The following ZNF512B variants were observed in gnomAD, a reference collection of about 807,000 sequenced individuals.
ZNF512B encodes zinc finger protein 512B.
A neutral mutation model predicts 87.8 loss-of-function variants in ZNF512B; 22 were observed. The observed-to-expected ratio is 0.25, with a 90% confidence interval of 0.18 to 0.36. The LOEUF (loss-of-function observed/expected upper bound fraction) is 0.36. Among genes scored for constraint, ZNF512B ranks in the 10% least tolerant of loss-of-function variants. ZNF512B has a pLI of 1.00. For synonymous variants in ZNF512B, 524 were observed against 490.9 expected, an observed-to-expected ratio of 1.07 and a Z score of -0.89; for missense variants, 1,060 against 1,231.6, an observed-to-expected ratio of 0.86 and a Z score of 2.09.
rs1269509972 is a variant in ZNF512B, at chr20:63,957,527, C to A, written c.*2361G>T. The A allele has an allele frequency of 6.6e-6, 1 of 152,586 alleles. No homozygotes were observed. Among genetic ancestry groups the A allele is most frequent in the Non-Finnish European group, 1.5e-5 (1 of 68,116 alleles). 9.5% of individuals were successfully genotyped at this position (152,586 alleles called of 1,614,324 possible). A position where few individuals can be genotyped will look rare whatever the true frequency, so the allele number is the denominator to read the frequency against. On this transcript the variant is annotated 3_prime_UTR_variant, in exon 17 of 17. Coordinates refer to ENST00000369888, the MANE Select transcript of ZNF512B (RefSeq NM_020713.3). ...GAGGGCAGAAAGGAGGGGGTCAGAC[C>A]CAACAGCCACTTCTGGCAGTAGCCC...
intron 16 of ZNF512B, 68 bp from the exon 17 acceptor site, chr20:63,960,207 G>A (rs902677363): frequency 5.0e-5 from 80 of 1,585,362 alleles, no homozygotes; most frequent in Non-Finnish European, 6.8e-5. Flanking sequence ...GGCATAGCCT[G>A]AGAGCTGAAG....
chr20:63,963,037 CG>C, intron 12 of ZNF512B, 57 bp downstream of exon 12: 1 of 1,475,500 alleles, frequency 6.8e-7, no homozygotes, highest in East Asian at 2.5e-5. Context: ...CCAAGGCACA[CG>C]GAACACACAC....
intron 12 of ZNF512B, 129 bp downstream of exon 12, chr20:63,962,966 C>T (rs2058871997): frequency 2.2e-6 from 3 of 1,335,710 alleles, no homozygotes; most frequent in Admixed American, 2.7e-5. Flanking sequence ...ACACACGTCT[C>T]TTACAGAGAG....
At position 63,959,911 on chromosome 20, in the gene ZNF512B, C is replaced by G. The variant is rs764118510; in HGVS notation, c.2656G>C (p.Val886Leu). 2 of 1,599,248 alleles carry G rather than the reference C, an allele frequency of 1.3e-6. No individual in the cohort carries two copies. The highest frequency in any genetic ancestry group is 3.3e-4 in the Middle Eastern group (2 of 6,006). The change falls in exon 17 of 17, where the codon GTC becomes CTC. Residue 886 changes from valine (V) to leucine (L), a missense_variant. Val to Leu is a conservative substitution (Grantham distance 32, BLOSUM62 1). Transcript: ENST00000369888. ...GCTCACTTTTCAGGCGCCTTGCTGA[C>G]TCCCACCTTCCGGCCGGTGGAGCCC... Reference protein sequence around the residue: ...ARGSTGRKVGVSKAPEK With the variant: ...ARGSTGRKVGLSKAPEK
intron 8 of ZNF512B, 74 bp from the exon 9 acceptor site, chr20:63,963,987 T>C (rs2058890151): frequency 1.9e-6 from 3 of 1,596,570 alleles, no homozygotes; most frequent in Non-Finnish European, 2.5e-6. Flanking sequence ...CAGAATCCAG[T>C]CTCCACACTC....
intron 9 of ZNF512B, 36 bp downstream of exon 9, chr20:63,963,753 C>T (rs764582632): frequency 1.9e-6 from 3 of 1,613,068 alleles, no homozygotes; most frequent in East Asian, 2.2e-5. Flanking sequence ...GGGGCCAGGG[C>T]GCCTCCCTCC....
At position 63,959,464 on chromosome 20, in the gene ZNF512B, T is replaced by G. The variant is rs1486365316; in HGVS notation, c.*424A>C. The stretch of plus-strand genomic sequence containing the variant: ...GGCTGCCCGTGCCAGGTTGCTCAGG[T>G]GCCCTCACCAGCCCAGAACCACAGG... On this transcript the variant is annotated 3_prime_UTR_variant, in exon 17 of 17. Coordinates refer to ENST00000369888, the MANE Select transcript of ZNF512B (RefSeq NM_020713.3). 1 of 191,312 alleles carries G rather than the reference T, an allele frequency of 5.2e-6. No individual in the cohort carries two copies. The highest frequency in any genetic ancestry group is 1.1e-5 in the Non-Finnish European group (1 of 94,482). 11.9% of individuals were successfully genotyped at this position (191,312 alleles called of 1,614,324 possible). A position where few individuals can be genotyped will look rare whatever the true frequency, so the allele number is the denominator to read the frequency against.
chr20:63,963,685 T>C lies in ZNF512B; in HGVS notation c.1631A>G (p.His544Arg), dbSNP rs1218304837. The change falls in exon 10 of 17, where the codon CAC (histidine) becomes CGC (arginine). Residue 544 changes from histidine to arginine, a missense_variant. This residue lies in a region of ZNF512B where 37 missense variants were observed against 72.6 expected (regional missense o/e 0.51). Coordinates refer to ENST00000369888, the MANE Select transcript of ZNF512B (RefSeq NM_020713.3). Reference protein sequence around the residue: ...QKLQDALKCQHCRKQFKSKAG... With the variant: ...QKLQDALKCQRCRKQFKSKAG... Reference sequence around the variant, plus strand: ...TTTGGACTTGAACTGCTTCCGGCAGTGCTGGCACTTGAGTGCATCCTGAAG... The same window carrying C: ...TTTGGACTTGAACTGCTTCCGGCAGCGCTGGCACTTGAGTGCATCCTGAAG... The C allele has an allele frequency of 6.2e-7, 1 of 1,613,516 alleles. No homozygotes were observed. Among genetic ancestry groups the C allele is most frequent in the East Asian group, 2.2e-5 (1 of 44,884 alleles).
At chr20:63,968,459 C>T (rs963519262) in intron 1 of ZNF512B, among the ~76,000 whole-genome samples, 13 of 152,190 alleles carry the variant, frequency 8.5e-5, no homozygotes, top group African/African-American at 2.9e-4. Flanking sequence ...AGTGGGGGCA[C>T]AGCTTCTCAC....
intron 16 of ZNF512B, among the ~76,000 whole-genome samples, chr20:63,960,708 C>G: frequency 7.8e-6 from 1 of 128,888 alleles, no homozygotes; most frequent in African/African-American, 3.0e-5. Context: ...CGGGACCAGG[C>G]AAGCACCTGC....
chr20:63,962,570 T>G lies in ZNF512B; in HGVS notation c.2163+17A>C. 1 of 1,594,588 alleles carries G rather than the reference T, an allele frequency of 6.3e-7. No homozygotes were observed. Among genetic ancestry groups the G allele is most frequent in the South Asian group, 1.1e-5 (1 of 89,618 alleles). On this transcript the variant is annotated intron_variant, in intron 13 of 16. Transcript: ENST00000369888. ...GAGGCCACGGCGCTGTCCACAGCCC[T>G]GGGGGGGGCAGCTCACCCGTGCGGT...
At position 63,961,817 on chromosome 20, in the gene ZNF512B, G is replaced by A. The variant is rs1003238012; in HGVS notation, c.2328+125C>T. On this transcript the variant is annotated intron_variant, in intron 15 of 16. Coordinates refer to ENST00000369888, the MANE Select transcript of ZNF512B (RefSeq NM_020713.3). This position sits in a 1 kb window ranked among gnomAD's most constrained non-coding sequence, Gnocchi z 6.4. ...GCCAGTCTCTGGGTTCGTGGAAGAG[G>A]AGGCCACGTAGAAAAAGTAGGGGAC... The A allele has an allele frequency of 2.0e-6, 2 of 1,005,062 alleles. No homozygotes were observed. The highest frequency in any genetic ancestry group is 2.6e-5 in the East Asian group (1 of 38,092). The allele number at this position is 1,005,062 out of a possible 1,614,324, so 62.3% of individuals were successfully genotyped here.
chr20:63,962,145 A>G (rs2058859668), intron 14 of ZNF512B, 128 bp downstream of exon 14: 2 of 1,289,400 alleles, frequency 1.6e-6, no homozygotes, highest in Non-Finnish European at 2.2e-6. Context: ...CAGGCTGGGC[A>G]TGTGAGGCCT....
At chr20:63,962,553 G>C in intron 13 of ZNF512B, 34 bp downstream of exon 13, 1 of 1,587,762 alleles carries the variant, frequency 6.3e-7, no homozygotes, top group South Asian at 1.1e-5. Context: ...CAGAGGCCAC[G>C]GCGCTGTCCA....
At chr20:63,968,089 C>T (rs3810501) in intron 1 of ZNF512B, 137 bp from the exon 2 acceptor site, 187,027 of 1,169,786 alleles carry the variant, frequency 0.16, 16,245 homozygotes, top group South Asian at 0.23. Flanking sequence ...GTTTTGTTCA[C>T]GTGGGAAAAG....
chr20:63,959,670 C>A lies in ZNF512B; in HGVS notation c.*218G>T. The A allele has an allele frequency of 1.6e-6, 1 of 628,946 alleles. No individual in the cohort carries two copies. Among genetic ancestry groups the A allele is most frequent in the Non-Finnish European group, 2.6e-6 (1 of 385,648 alleles). The allele number at this position is 628,946 out of a possible 1,614,324, so 39.0% of individuals were successfully genotyped here. ...TCCTGGCTATTGCACTTCTGCTGGG[C>A]ACACCTTGGGGAGCCCCAACCCAGG... On this transcript the variant is annotated 3_prime_UTR_variant, in exon 17 of 17. Coordinates refer to ENST00000369888, the MANE Select transcript of ZNF512B (RefSeq NM_020713.3).
chr20:63,964,156 G>A lies in ZNF512B; in HGVS notation c.1395C>T (p.Gly465=). 1 of 1,602,416 alleles carries A rather than the reference G, an allele frequency of 6.2e-7. No homozygotes were observed. Among genetic ancestry groups the A allele is most frequent in the Non-Finnish European group, 8.5e-7 (1 of 1,175,396 alleles). ...VHRSKKQEGP[G]PEDARKKVPA... ...GCACCTTCTTCCGGGCGTCCTCAGG[G>A]CCTGGCCCCTCCTGCTTCTTGGAGC... Residue 465 remains glycine, a synonymous_variant, in exon 8 of 17, where the codon GGC becomes GGT. Transcript: ENST00000369888.
At position 63,963,282 on chromosome 20, in the gene ZNF512B, A is replaced by C; in HGVS notation, c.1798-17T>G. ...CCCGCAACCCTGGGGGTCAGGCCAG[A>C]GGGTGGGTGAGTGGCCAGCAGGGCC... On this transcript the variant is annotated splice_polypyrimidine_tract_variant and intron_variant, in intron 11 of 16. Coordinates refer to ENST00000369888, the MANE Select transcript of ZNF512B (RefSeq NM_020713.3). 1 of 1,539,772 alleles carries C rather than the reference A, an allele frequency of 6.5e-7. No individual in the cohort carries two copies. The highest frequency in any genetic ancestry group is 8.7e-7 in the Non-Finnish European group (1 of 1,146,026).
rs199703895 is a variant in ZNF512B at position 63,963,409 on chromosome 20, T to C, written c.1730A>G (p.Glu577Gly). 3.7e-4 allele frequency: 573 copies of C among 1,548,576 alleles called. 1 individual carries two copies. The African/African-American group carries it at 6.7e-3, about 18-fold the overall frequency. The change falls in exon 11 of 17, where the codon GAG becomes GGG. Residue 577 changes from glutamate to glycine, a missense_variant. Physicochemically the swap from Glu to Gly is moderately conservative, Grantham distance 98 (BLOSUM62 -2). This residue lies in a region of ZNF512B where 165 missense variants were observed against 173.0 expected (regional missense o/e 0.95). Coordinates refer to ENST00000369888, the MANE Select transcript of ZNF512B (RefSeq NM_020713.3). ...GCGCAGCCTCTCGCGCTCCTCCTGC[T>C]CGCCCCCTTCGGAGGCCTCGGCGTC... ...PSDAEASEGG[E>G]QEERERLRKV...
Sources: gnomAD v4.1 joint callset for allele counts (sites outside exome capture counted in the v4.1 genomes callset) on GRCh38, gnomAD v4.1.1 for gene constraint, gnomAD v4.1.1 regional missense constraint, Gnocchi (gnomAD v3.1) non-coding constraint, MANE v1.5 for transcripts, NCBI Gene and HGNC (gene_info 2026-07-23, HGNC 2026-07-21) for gene names.